UNC5C: variants seen among roughly 807,000 people sequenced by gnomAD.
UNC5C encodes the protein unc-5 netrin receptor C, also known as netrin receptor UNC5C.
UNC5C carries 47 observed loss-of-function variants against 99.8 expected under a neutral mutation model. That is an observed-to-expected ratio of 0.47 (90% CI 0.37 to 0.60). The LOEUF is 0.60. Ranked by LOEUF, UNC5C falls within the 20% of genes least tolerant of loss-of-function variation. UNC5C has a pLI of 0.00. For missense variants in UNC5C, 1,062 were observed against 1,165.9 expected, an observed-to-expected ratio of 0.91 and a Z score of 1.30; for synonymous variants, 487 against 452.2, an observed-to-expected ratio of 1.08 and a Z score of -0.98.
intron 1 of UNC5C, among the ~76,000 whole-genome samples, chr4:95,397,503 T>C (rs570070712): frequency 5.9e-5 from 9 of 152,342 alleles, no homozygotes; most frequent in African/African-American, 2.2e-4. Context: ...TCTTTATAGC[T>C]CTCCTAATTT....
chr4:95,384,988 G>C (rs1745173241), intron 1 of UNC5C, among the ~76,000 whole-genome samples: 1 of 151,668 alleles, frequency 6.6e-6, no homozygotes, highest in East Asian at 2.0e-4. Flanking sequence ...GGGTTAAAAA[G>C]GAGAAGAGAC....
chr4:95,220,671 C>T (rs922131235), intron 7 of UNC5C, among the ~76,000 whole-genome samples: 1 of 152,196 alleles, frequency 6.6e-6, no homozygotes, highest in Non-Finnish European at 1.5e-5. Context: ...ACTCTTCTCA[C>T]TTTCCCCTAA....
In UNC5C at chr4:95,488,596, G is replaced by A. The variant is rs145163882; in HGVS notation, c.124+60138C>T. On this transcript the variant is annotated intron_variant, in intron 1 of 15. Coordinates refer to ENST00000453304, the MANE Select transcript of UNC5C (RefSeq NM_003728.4). ...AATACTCTATTATACATGATTTAAG[G>A]AGAAAAATGCACACTCAGGCAAATT... is the stretch of plus-strand genomic sequence containing the variant. Among the ~76,000 whole-genome samples the A allele has an allele frequency of 4.0e-5, 6 of 151,548 alleles. No individual in the cohort carries two copies. The East Asian group carries it at 7.8e-4, about 20-fold the overall frequency.
At chr4:95,460,184 C>T (rs1336292339) in intron 1 of UNC5C, among the ~76,000 whole-genome samples, 2 of 143,674 alleles carry the variant, frequency 1.4e-5, no homozygotes, top group Admixed American at 1.5e-4. Flanking sequence ...GTGGATGGAA[C>T]TGTCCATGTG....
intron 2 of UNC5C, among the ~76,000 whole-genome samples, chr4:95,329,627 A>G (rs1743035694): frequency 1.3e-5 from 2 of 152,186 alleles, no homozygotes; most frequent in South Asian, 4.1e-4. Context: ...TGTTATATCA[A>G]CAACTCTGCT....
chr4:95,191,687 A>C, intron 12 of UNC5C, among the ~76,000 whole-genome samples: 4 of 132,724 alleles, frequency 3.0e-5, no homozygotes, highest in Non-Finnish European at 3.2e-5. Context: ...CTCCTCCCCA[A>C]TCACCTCCTC....
intron 3 of UNC5C, among the ~76,000 whole-genome samples, chr4:95,282,424 G>A (rs189995502): frequency 1.4e-4 from 21 of 152,188 alleles, no homozygotes; most frequent in Non-Finnish European, 2.4e-4. Context: ...CTGTAGGGGC[G>A]GAGGGAAAAG....
At chr4:95,233,940 A>T (rs1007002214) in intron 7 of UNC5C, among the ~76,000 whole-genome samples, 64 of 147,624 alleles carry the variant, frequency 4.3e-4, no homozygotes, top group African/African-American at 1.2e-3. Context: ...CATCACATTT[A>T]AAAAAAAAAG....
intron 1 of UNC5C, among the ~76,000 whole-genome samples, chr4:95,432,985 A>G (rs896447179): frequency 6.6e-6 from 1 of 152,122 alleles, no homozygotes; most frequent in African/African-American, 2.4e-5. Context: ...CAAAGAAACA[A>G]TTGTTCTTTC....
intron 4 of UNC5C, among the ~76,000 whole-genome samples, chr4:95,255,611 C>T (rs1739945752): frequency 6.6e-6 from 1 of 151,888 alleles, no homozygotes; most frequent in Admixed American, 6.5e-5. Context: ...TCTCTGTGTT[C>T]CTATCTGTCA....
At chr4:95,546,096 TCAG>T (rs1241316791) in intron 1 of UNC5C, among the ~76,000 whole-genome samples, 2 of 152,216 alleles carry the variant, frequency 1.3e-5, no homozygotes, top group East Asian at 1.9e-4. Context: ...TTGCAGTACT[TCAG>T]CAACAGAATA....
intron 1 of UNC5C, among the ~76,000 whole-genome samples, chr4:95,541,003 T>A (rs928750665): frequency 6.6e-6 from 1 of 152,184 alleles, no homozygotes; most frequent in African/African-American, 2.4e-5. Context: ...TAAGGCCATA[T>A]GAAATTCCAA....
intron 14 of UNC5C, among the ~76,000 whole-genome samples, chr4:95,178,524 G>A (rs1013187625): frequency 6.6e-6 from 1 of 152,164 alleles, no homozygotes; most frequent in African/African-American, 2.4e-5. Flanking sequence ...ATAACACTGT[G>A]CCCCACACAC....
intron 1 of UNC5C, among the ~76,000 whole-genome samples, chr4:95,529,239 A>C (rs1311276554): frequency 6.7e-6 from 1 of 150,156 alleles, no homozygotes; most frequent in Admixed American, 6.7e-5. Flanking sequence ...AAAAAAACTA[A>C]ACTGAATTGT....
Position 95,451,187 on chromosome 4 carries a change from A to G in UNC5C, c.124+97547T>C, listed in dbSNP as rs185306625. On this transcript the variant is annotated intron_variant, in intron 1 of 15. Transcript: ENST00000453304. ...TTGTTAATCTGATCTTGTCAGTGGC[A>G]TCTGAATCACATTACACATCTAAAT... 1.5e-3 allele frequency among the ~76,000 whole-genome samples: 228 copies of G among 152,304 alleles called. 1 individual carries two copies. Among genetic ancestry groups the G allele is most frequent in the African/African-American group, 5.1e-3 (214 of 41,570 alleles).
chr4:95,183,844 C>T (rs1024405686), intron 13 of UNC5C, among the ~76,000 whole-genome samples: 23 of 152,284 alleles, frequency 1.5e-4, no homozygotes, highest in African/African-American at 5.5e-4. Context: ...TTCCATTGCT[C>T]AGTTTTCCTA....
intron 1 of UNC5C, among the ~76,000 whole-genome samples, chr4:95,531,746 C>T (rs547310242): frequency 1.2e-4 from 19 of 152,198 alleles, no homozygotes; most frequent in Non-Finnish European, 1.8e-4. Context: ...TACTACTCTA[C>T]CCCTGTTCCT....
In UNC5C at chr4:95,278,333, G is replaced by T; in HGVS notation, c.520C>A (p.Leu174Ile). 4 of 1,613,996 alleles carry T rather than the reference G, an allele frequency of 2.5e-6. No homozygotes were observed. Among genetic ancestry groups the T allele is most frequent in the Non-Finnish European group, 3.4e-6 (4 of 1,180,000 alleles). Residue 174 changes from leucine (L) to isoleucine (I), a missense_variant, in exon 4 of 16, where the codon CTA (leucine) becomes ATA (isoleucine). Physicochemically the swap from Leu to Ile is conservative, Grantham distance 5. Transcript: ENST00000453304. ...TGTTCCAAAGACACTTCCTTTCCTA[G>T]GGGTTCCTGCTCAAATGTCTTCCGT... ...YLRKTFEQEP[L>I]GKEVSLEQEV... is the part of the protein sequence containing the mutation.
At chr4:95,216,076 C>T in intron 10 of UNC5C, 48 bp downstream of exon 10, 2 of 1,522,260 alleles carry the variant, frequency 1.3e-6, no homozygotes, top group Admixed American at 1.7e-5. Flanking sequence ...CAATTCTCCT[C>T]CAAGTTAGAC....
Sources: gnomAD v4.1 joint callset for allele counts (sites outside exome capture counted in the v4.1 genomes callset) on GRCh38, gnomAD v4.1.1 for gene constraint, MANE v1.5 for transcripts, NCBI Gene and HGNC (gene_info 2026-07-23, HGNC 2026-07-21) for gene names.